TCAIM: variants seen among roughly 807,000 people sequenced by gnomAD.
TCAIM encodes the protein T-cell activation inhibitor, mitochondrial.
In TCAIM, 36 loss-of-function variants were observed where a neutral mutation model predicts 58.6. The observed-to-expected ratio is 0.61, with a 90% CI of 0.47 to 0.81. TCAIM has a LOEUF of 0.81. Ranked by LOEUF, TCAIM falls within the 30% of genes least tolerant of loss-of-function variation. The pLI is 0.00. For missense variants in TCAIM, 466 were observed against 579.6 expected, an observed-to-expected ratio of 0.80 and a Z score of 2.01; for synonymous variants, 172 against 193.6, an observed-to-expected ratio of 0.89 and a Z score of 0.93.
rs187426580 is a variant in TCAIM at position 44,358,330 on chromosome 3, T to G, written c.165+454T>G. On this transcript the variant is annotated intron_variant, in intron 3 of 10. Coordinates refer to ENST00000342649, the MANE Select transcript of TCAIM (RefSeq NM_173826.4). ...TGTGCTCCAGGAATACAAACTGATA[T>G]GAAAAATGACTTATGGTAGATGTAG... The G allele has an allele frequency of 1.1e-4, 90 of 793,516 alleles. 1 individual carries two copies. The African/African-American group carries it at 1.5e-3, about 13-fold the overall frequency. The allele number at this position is 793,516 out of a possible 1,614,324, so 49.2% of individuals were successfully genotyped here. A position where few individuals can be genotyped will look rare whatever the true frequency, so the allele number is the denominator to read the frequency against.
chr3:44,380,783 G>A (rs750300322), intron 5 of TCAIM, among the ~76,000 whole-genome samples: 4 of 151,910 alleles, frequency 2.6e-5, no homozygotes, highest in African/African-American at 9.7e-5. Context: ...AAGAAAGAAA[G>A]GAGACTCAAA....
chr3:44,363,628 G>A (rs1302362853), intron 4 of TCAIM, among the ~76,000 whole-genome samples: 4 of 152,188 alleles, frequency 2.6e-5, no homozygotes, highest in African/African-American at 9.6e-5. Context: ...TCATGAGGAA[G>A]TAAATGTTGT....
chr3:44,383,720 C>T (rs1701689492), intron 5 of TCAIM, among the ~76,000 whole-genome samples: 2 of 147,054 alleles, frequency 1.4e-5, no homozygotes, highest in South Asian at 2.1e-4. Flanking sequence ...TGCCTGTAAT[C>T]CCAGCACTTT....
chr3:44,404,193 A>G (rs777707725), intron 10 of TCAIM, among the ~76,000 whole-genome samples: 3 of 151,282 alleles, frequency 2.0e-5, no homozygotes, highest in South Asian at 4.2e-4. Flanking sequence ...TGGCCACACA[A>G]CTCGAAGCAT....
At chr3:44,343,493 T>C (rs2125713860) in intron 1 of TCAIM, among the ~76,000 whole-genome samples, 1 of 152,356 alleles carries the variant, frequency 6.6e-6, no homozygotes, top group East Asian at 1.9e-4. Flanking sequence ...TTTCAACACA[T>C]AACCAATATG....
intron 1 of TCAIM, among the ~76,000 whole-genome samples, chr3:44,345,674 G>A (rs747409264): frequency 6.6e-6 from 1 of 152,094 alleles, no homozygotes; most frequent in African/African-American, 2.4e-5. Context: ...GATAGCTGGG[G>A]AGAGGTAGAG....
intron 1 of TCAIM, among the ~76,000 whole-genome samples, chr3:44,353,523 C>T (rs1240303620): frequency 3.3e-5 from 5 of 152,210 alleles, no homozygotes; most frequent in Non-Finnish European, 7.3e-5. Context: ...AGTGGCTGCA[C>T]CTGTTTGCAT....
At chr3:44,398,798 A>C (rs116707906) in intron 8 of TCAIM, among the ~76,000 whole-genome samples, 58 of 152,312 alleles carry the variant, frequency 3.8e-4, no homozygotes, top group African/African-American at 1.4e-3. Flanking sequence ...GTGAATAGCT[A>C]AACAAACTGG....
intron 4 of TCAIM, among the ~76,000 whole-genome samples, chr3:44,365,655 T>TA (rs1232480707): frequency 3.3e-5 from 5 of 152,090 alleles, no homozygotes; most frequent in Admixed American, 6.6e-5. Context: ...TACAAGCACA[T>TA]AGACGGAAAA....
intron 1 of TCAIM, among the ~76,000 whole-genome samples, chr3:44,342,701 A>C (rs1575230828): frequency 6.6e-6 from 1 of 151,788 alleles, no homozygotes; most frequent in Admixed American, 6.6e-5. Flanking sequence ...AGGTCTTTAC[A>C]TATCACTAAA....
At chr3:44,365,454 G>A (rs143137314) in intron 4 of TCAIM, among the ~76,000 whole-genome samples, 1 of 151,836 alleles carries the variant, frequency 6.6e-6, no homozygotes, top group Non-Finnish European at 1.5e-5. Flanking sequence ...TCAGCCTCCC[G>A]AGTAGCTGGG....
intron 3 of TCAIM, chr3:44,359,677 C>G (rs1701264029): frequency 6.6e-6 from 1 of 152,154 alleles, no homozygotes; most frequent in Non-Finnish European, 1.5e-5. Flanking sequence ...CTGTAAAACT[C>G]CACTGTGAAA....
At chr3:44,374,286 CTT>C (rs753252645) in intron 5 of TCAIM, among the ~76,000 whole-genome samples, 54 of 119,830 alleles carry the variant, frequency 4.5e-4, no homozygotes, top group African/African-American at 1.3e-3. Flanking sequence ...GCTTTGCTTT[CTT>C]TTTTTTTTTT....
At chr3:44,383,845 C>G (rs1450184597) in intron 5 of TCAIM, among the ~76,000 whole-genome samples, 1 of 149,548 alleles carries the variant, frequency 6.7e-6, no homozygotes, top group African/African-American at 2.5e-5. Flanking sequence ...TTTAAATTAG[C>G]CAAGCTAATT....
At chr3:44,359,918 G>A (rs1701268024) in intron 3 of TCAIM, 2 of 152,110 alleles carry the variant, frequency 1.3e-5, no homozygotes, top group African/African-American at 2.4e-5. Flanking sequence ...ACATTTTCGT[G>A]TTATCTTTAA....
chr3:44,399,703 C>G (rs899404867), intron 8 of TCAIM, among the ~76,000 whole-genome samples: 24 of 152,172 alleles, frequency 1.6e-4, no homozygotes, highest in Non-Finnish European at 2.4e-4. Context: ...ATTTCTAAAT[C>G]TTACTTAATG....
intron 3 of TCAIM, chr3:44,358,140 A>G: frequency 2.7e-6 from 4 of 1,496,930 alleles, no homozygotes; most frequent in Non-Finnish European, 2.6e-6. Context: ...CAATTTTTGA[A>G]GTACAGTTGA....
chr3:44,383,733 G>A (rs1297104699), intron 5 of TCAIM, among the ~76,000 whole-genome samples: 1 of 150,120 alleles, frequency 6.7e-6, no homozygotes, highest in Non-Finnish European at 1.5e-5. Context: ...AGCACTTTGG[G>A]AGGCTGAGGC....
rs145540894 is a variant in TCAIM at position 44,386,724 on chromosome 3, C to T, written c.573-6131C>T. ...CAGCCCCCTGCTATCTCTGTCCCTC[C>T]GGACTTTGGGCGCTGATGAGCACAG... On this transcript the variant is annotated intron_variant, in intron 5 of 10. Coordinates refer to ENST00000342649, the MANE Select transcript of TCAIM (RefSeq NM_173826.4). Among the ~76,000 whole-genome samples, 127 of 152,370 alleles carry T rather than the reference C, an allele frequency of 8.3e-4. No individual in the cohort carries two copies. The East Asian group carries it at 0.016, about 19-fold the overall frequency.
Sources: allele counts gnomAD v4.1 joint callset (sites outside exome capture counted in the v4.1 genomes callset), GRCh38; gene constraint gnomAD v4.1.1; transcripts MANE v1.5; gene names NCBI Gene and HGNC (gene_info 2026-07-23, HGNC 2026-07-21).